Variants in NR1I2 observed in about 807,000 individuals in gnomAD.
NR1I2 encodes orphan nuclear receptor PAR1.
NR1I2 carries 42 observed loss-of-function variants against 43.3 expected under a neutral mutation model. That is an observed-to-expected ratio of 0.97 (90% CI 0.76 to 1.26). The LOEUF is 1.26. Ranked by LOEUF, NR1I2 falls within the 50% of genes most tolerant of loss-of-function variation. NR1I2 has a pLI of 0.00. For synonymous variants in NR1I2, 229 were observed against 215.0 expected (o/e 1.06, Z -0.57); for missense variants, 559 against 566.7 (o/e 0.99, Z 0.14).
rs957729743 is a variant in NR1I2, at chr3:119,811,606, A to G, written c.399A>G (p.Thr133=). The stretch of plus-strand genomic sequence containing the variant: ...TCAAGCGGAAGAAAAGTGAACGGAC[A>G]GGGACTCAGCCACTGGGAGTGCAGG... The change falls in exon 4 of 9, where the codon ACA becomes ACG. Residue 133 remains threonine, a synonymous_variant. Transcript: ENST00000393716. 1.9e-6 allele frequency: 3 copies of G among 1,613,894 alleles called. No individual in the cohort carries two copies. Among genetic ancestry groups the G allele is most frequent in the African/African-American group, 2.7e-5 (2 of 74,928 alleles).
chr3:119,815,470 C>A (rs770624324), intron 7 of NR1I2, 31 bp downstream of exon 7: 6 of 1,548,798 alleles, frequency 3.9e-6, no homozygotes, highest in Non-Finnish European at 5.3e-6. Context: ...GCCTGACATC[C>A]CCCCCAGCCT....
chr3:119,782,953 T>A, intron 1 of NR1I2: 1 of 918,960 alleles, frequency 1.1e-6, no homozygotes, highest in Non-Finnish European at 1.8e-6. Flanking sequence ...CTCTCCACTT[T>A]ACAGCCCAGC....
chr3:119,789,891 A>G (rs2054893105), intron 1 of NR1I2, among the ~76,000 whole-genome samples: 1 of 152,152 alleles, frequency 6.6e-6, no homozygotes, highest in South Asian at 2.1e-4. Context: ...TCTTTTTTTA[A>G]TTTGTAAAAT....
chr3:119,804,199 G>C (rs1389541493), intron 1 of NR1I2, among the ~76,000 whole-genome samples: 1 of 150,402 alleles, frequency 6.6e-6, no homozygotes, highest in Admixed American at 6.6e-5. Flanking sequence ...GTGAAACCCT[G>C]TCTCTACTAA....
chr3:119,815,532 C>A, intron 7 of NR1I2, 93 bp downstream of exon 7: 1 of 1,176,186 alleles, frequency 8.5e-7, no homozygotes, highest in Non-Finnish European at 1.3e-6. Context: ...TCCTCATTCA[C>A]TGCGCAGCCA....
Position 119,799,840 on chromosome 3 carries a change from C to T in NR1I2, c.-22-7389C>T, listed in dbSNP as rs188966098. On this transcript the variant is annotated intron_variant, in intron 1 of 8. Transcript: ENST00000393716. The stretch of plus-strand genomic sequence containing the variant: ...ACTAAAAATACAAAAATTAGCTGGG[C>T]GTGGTGGCAGGCACCTGTAATCCCA... 2.8e-4 allele frequency among the ~76,000 whole-genome samples: 43 copies of T among 152,124 alleles called. No homozygotes were observed. In the East Asian group the frequency reaches 7.5e-3, roughly 27 times the overall value.
In NR1I2 at chr3:119,817,318, C is replaced by A; in HGVS notation, c.*106C>A. ...GGACACTGCCAAGAGCCGACAATGC[C>A]CTGCTGGCCTGTCTCCCTAGGGAAT... On this transcript the variant is annotated 3_prime_UTR_variant, in exon 9 of 9. Transcript: ENST00000393716. The A allele has an allele frequency of 3.1e-6, 5 of 1,590,070 alleles. No homozygotes were observed. The highest frequency in any genetic ancestry group is 4.3e-6 in the Non-Finnish European group (5 of 1,173,538).
intron 3 of NR1I2, chr3:119,810,446 G>A (rs2055223929): frequency 5.2e-6 from 3 of 574,034 alleles, no homozygotes; most frequent in Non-Finnish European, 9.3e-6. Context: ...GACAGGGCGT[G>A]CCCTCTGTCT....
chr3:119,785,111 A>G (rs1164961635), intron 1 of NR1I2, among the ~76,000 whole-genome samples: 1 of 152,170 alleles, frequency 6.6e-6, no homozygotes. Flanking sequence ...CATAATGCTG[A>G]GTAGTAGCCA....
chr3:119,803,573 T>C (rs1281619282), intron 1 of NR1I2, among the ~76,000 whole-genome samples: 2 of 152,168 alleles, frequency 1.3e-5, no homozygotes, highest in South Asian at 4.1e-4. Context: ...CAGTTTCCGA[T>C]ATTTTGTTAT....
chr3:119,788,188 A>G (rs1559782383), intron 1 of NR1I2, among the ~76,000 whole-genome samples: 1 of 152,184 alleles, frequency 6.6e-6, no homozygotes, highest in Admixed American at 6.5e-5. Context: ...ATCATGGCTC[A>G]CTGCAGTCTC....
chr3:119,791,949 G>A (rs1272781792), intron 1 of NR1I2: 1 of 677,326 alleles, frequency 1.5e-6, no homozygotes, highest in South Asian at 1.5e-5. Context: ...CCGATTCTGT[G>A]GAGTACAGGA....
chr3:119,816,985 T>C, intron 8 of NR1I2, 83 bp from the exon 9 acceptor site: 1 of 1,569,506 alleles, frequency 6.4e-7, no homozygotes, highest in Non-Finnish European at 8.8e-7. Flanking sequence ...CCAGAGATTA[T>C]GCTTGTGCAG....
At chr3:119,806,783 C>T (rs561924068) in intron 1 of NR1I2, among the ~76,000 whole-genome samples, 1 of 152,300 alleles carries the variant, frequency 6.6e-6, no homozygotes, top group African/African-American at 2.4e-5. Flanking sequence ...CCACACCCCA[C>T]CTGAAAGACT....
chr3:119,782,793 G>A (rs761247544), intron 1 of NR1I2: 12 of 1,614,170 alleles, frequency 7.4e-6, no homozygotes, highest in Non-Finnish European at 9.3e-6. Context: ...TCAAGGAGGG[G>A]TCCCTCAGAG....
intron 1 of NR1I2, among the ~76,000 whole-genome samples, chr3:119,787,687 G>A (rs1333549444): frequency 6.7e-6 from 1 of 148,324 alleles, no homozygotes; most frequent in Non-Finnish European, 1.5e-5. Context: ...GTGTGTGTGT[G>A]TGTGTGTGTG....
Position 119,818,383 on chromosome 3 carries a change from T to TTA in NR1I2, c.*1172_*1173insAT. The TTA allele has an allele frequency of 3.0e-6, 3 of 985,216 alleles. No homozygotes were observed. The highest frequency in any genetic ancestry group is 3.6e-6 in the Non-Finnish European group (3 of 829,748). The allele number at this position is 985,216 out of a possible 1,614,324, so 61.0% of individuals were successfully genotyped here. On this transcript the variant is annotated 3_prime_UTR_variant, in exon 9 of 9. Transcript: ENST00000393716. ...TTTTTTGCATTTTCACAAATTATAC[T>TTA]TTATATAAGGCATTCCACACCTAAG...
chr3:119,803,892 G>A (rs1013882414), intron 1 of NR1I2, among the ~76,000 whole-genome samples: 4 of 151,910 alleles, frequency 2.6e-5, no homozygotes, highest in African/African-American at 9.7e-5. Flanking sequence ...CAAGTAGCTG[G>A]GATTACAGGC....
chr3:119,791,396 A>G (rs1270611627), intron 1 of NR1I2, among the ~76,000 whole-genome samples: 1 of 152,150 alleles, frequency 6.6e-6, no homozygotes, highest in Non-Finnish European at 1.5e-5. Flanking sequence ...GAGGCTGTGA[A>G]CACTCCTATG....
Sources: allele counts gnomAD v4.1 joint callset (sites outside exome capture counted in the v4.1 genomes callset), GRCh38; gene constraint gnomAD v4.1.1; transcripts MANE v1.5; gene names NCBI Gene and HGNC (gene_info 2026-07-23, HGNC 2026-07-21).